ACBD6: variants seen among roughly 807,000 people sequenced by gnomAD.
ACBD6 encodes acyl-CoA-binding domain-containing protein 6.
Under a neutral mutation model 37.2 loss-of-function variants are expected in ACBD6, and 28 were observed. The observed-to-expected ratio is 0.75, with a 90% confidence interval of 0.56 to 1.03. The LOEUF (loss-of-function observed/expected upper bound fraction) is 1.03, where lower values mean the gene tolerates loss of function less well. Among genes scored for constraint, ACBD6 ranks in the 50% least tolerant of loss-of-function variants. ACBD6 has a pLI of 0.00. For missense variants in ACBD6, 340 were observed against 337.4 expected (o/e 1.01, Z -0.06); for synonymous variants, 113 against 126.8 (o/e 0.89, Z 0.73).
At chr1:180,464,120 A>C (rs550248664) in intron 3 of ACBD6, among the ~76,000 whole-genome samples, 35 of 152,208 alleles carry the variant, frequency 2.3e-4, no homozygotes, top group Non-Finnish European at 4.6e-4. Context: ...AAAAGCTGGA[A>C]GTGCTCCCCT....
chr1:180,370,221 G>A (rs1457887195), intron 6 of ACBD6, among the ~76,000 whole-genome samples: 3 of 152,148 alleles, frequency 2.0e-5, no homozygotes, highest in Non-Finnish European at 4.4e-5. Flanking sequence ...CAAAAGAGGG[G>A]GGTTTAAAGG....
chr1:180,365,496 C>A (rs992191514), intron 6 of ACBD6, among the ~76,000 whole-genome samples: 1 of 152,260 alleles, frequency 6.6e-6, no homozygotes, highest in African/African-American at 2.4e-5. Flanking sequence ...AAAAATCCTT[C>A]TCTGGAGTCT....
intron 9 of ACBD6, chr1:180,276,871 A>T (rs1032690504): frequency 4.8e-5 from 2 of 41,844 alleles, no homozygotes; most frequent in Non-Finnish European, 1.2e-4. Flanking sequence ...GCACTGTTTA[A>T]GATCACTGTA....
At chr1:180,432,665 T>C (rs935712530) in intron 3 of ACBD6, among the ~76,000 whole-genome samples, 2 of 152,054 alleles carry the variant, frequency 1.3e-5, no homozygotes, top group African/African-American at 4.8e-5. Context: ...AGAAATGAGC[T>C]ATTCTAGGTT....
chr1:180,445,465 G>C (rs1649438628), intron 3 of ACBD6, among the ~76,000 whole-genome samples: 1 of 152,164 alleles, frequency 6.6e-6, no homozygotes, highest in Non-Finnish European at 1.5e-5. Flanking sequence ...TTCAAAACGA[G>C]TCTATAAAGC....
At chr1:180,451,292 T>C (rs1386795254) in intron 3 of ACBD6, among the ~76,000 whole-genome samples, 1 of 152,202 alleles carries the variant, frequency 6.6e-6, no homozygotes, top group East Asian at 1.9e-4. Context: ...CTATAAAATG[T>C]TGTAGCCATT....
At chr1:180,363,948 C>T (rs565650085) in intron 6 of ACBD6, among the ~76,000 whole-genome samples, 33 of 152,246 alleles carry the variant, frequency 2.2e-4, no homozygotes, top group African/African-American at 7.9e-4. Flanking sequence ...ATTAAGTCGG[C>T]AAGTACTAGA....
chr1:180,370,028 C>G (rs1433453307), intron 6 of ACBD6, among the ~76,000 whole-genome samples: 1 of 152,118 alleles, frequency 6.6e-6, no homozygotes, highest in African/African-American at 2.4e-5. Flanking sequence ...TATTTCTACT[C>G]TAAGTATTCT....
intron 6 of ACBD6, among the ~76,000 whole-genome samples, chr1:180,377,677 GT>G (rs1409472926): frequency 1.3e-5 from 2 of 152,158 alleles, no homozygotes; most frequent in Non-Finnish European, 2.9e-5. Flanking sequence ...GCCAGGCATG[GT>G]GGCTCATGCC....
At chr1:180,463,939 G>GA (rs1394467581) in intron 3 of ACBD6, among the ~76,000 whole-genome samples, 2 of 152,060 alleles carry the variant, frequency 1.3e-5, no homozygotes, top group Admixed American at 1.3e-4. Context: ...CACATAAATA[G>GA]AACTAAAGAA....
chr1:180,272,104 C>A, intron 13 of ACBD6: 5 of 1,079,190 alleles, frequency 4.6e-6, no homozygotes, highest in East Asian at 2.6e-5. Context: ...GAGGCCTTGG[C>A]AACTCCCTCC....
chr1:180,420,379 C>T (rs1352354594), intron 4 of ACBD6, among the ~76,000 whole-genome samples: 2 of 152,342 alleles, frequency 1.3e-5, no homozygotes, highest in East Asian at 1.9e-4. Context: ...ACGGTTTTCA[C>T]CGCCGTTTCT....
At chr1:180,350,022 CCTTTT>C (rs143437463) in intron 6 of ACBD6, among the ~76,000 whole-genome samples, 70,949 of 131,094 alleles carry the variant, frequency 0.54, 20,099 homozygotes, top group South Asian at 0.73. Flanking sequence ...CTCCAGTGAC[CCTTTT>C]TTTTTTTTTT....
At chr1:180,337,266 A>G in intron 6 of ACBD6, among the ~76,000 whole-genome samples, 1 of 152,070 alleles carries the variant, frequency 6.6e-6, no homozygotes. Flanking sequence ...AAAATACTGA[A>G]AAACCGAATC....
chr1:180,314,584 T>C lies in ACBD6; in HGVS notation c.694+108A>G, dbSNP rs977063200. The C allele has an allele frequency of 5.5e-6, 5 of 909,046 alleles. No individual in the cohort carries two copies. In the African/African-American group the frequency reaches 8.4e-5, roughly 15 times the overall value. The allele number at this position is 909,046 out of a possible 1,614,324, so 56.3% of individuals were successfully genotyped here. On this transcript the variant is annotated intron_variant, in intron 7 of 7. Transcript: ENST00000367595. The stretch of plus-strand genomic sequence containing the variant: ...GAACAAAAAGTTATTGTATCTCTGC[T>C]AGCTGCCAGGTACCTATCTAAGCAC...
chr1:180,301,473 A>G (rs988252996), intron 7 of ACBD6, among the ~76,000 whole-genome samples: 2 of 152,222 alleles, frequency 1.3e-5, no homozygotes, highest in Non-Finnish European at 2.9e-5. Flanking sequence ...AAGATAAAAT[A>G]CATGTATAGT....
At chr1:180,441,080 G>A (rs1192706066) in intron 3 of ACBD6, among the ~76,000 whole-genome samples, 1 of 152,042 alleles carries the variant, frequency 6.6e-6, no homozygotes, top group Non-Finnish European at 1.5e-5. Context: ...CAAAAGAATT[G>A]GTAATTCTAT....
chr1:180,390,591 G>C (rs972174204), intron 6 of ACBD6, among the ~76,000 whole-genome samples: 2 of 151,970 alleles, frequency 1.3e-5, no homozygotes, highest in Non-Finnish European at 2.9e-5. Flanking sequence ...AATTACCTTG[G>C]GCAGTATGGC....
chr1:180,350,327 C>A (rs1261803590), intron 6 of ACBD6, among the ~76,000 whole-genome samples: 1 of 152,186 alleles, frequency 6.6e-6, no homozygotes, highest in Admixed American at 6.5e-5. Flanking sequence ...AGCCACCATG[C>A]CTGGCCGACT....
Sources: allele counts gnomAD v4.1 joint callset (sites outside exome capture counted in the v4.1 genomes callset), GRCh38; gene constraint gnomAD v4.1.1; transcripts MANE v1.5; gene names NCBI Gene and HGNC (gene_info 2026-07-23, HGNC 2026-07-21).